CTNNA3: variants seen among roughly 807,000 people sequenced by gnomAD.
CTNNA3 encodes catenin alpha 3.
In CTNNA3, 76 loss-of-function variants were observed where a neutral mutation model predicts 95.7. The ratio of observed to expected loss-of-function variants is 0.79; its 90% CI spans 0.66 to 0.96. The LOEUF is 0.96. Among genes scored for constraint, CTNNA3 ranks in the 40% least tolerant of loss-of-function variants. The pLI is 0.00. For missense variants in CTNNA3, 1,191 were observed against 1,089.8 expected (o/e 1.09, Z -1.31); for synonymous variants, 431 against 374.4 (o/e 1.15, Z -1.74).
intron 7 of CTNNA3, among the ~76,000 whole-genome samples, chr10:67,151,365 C>G (rs1309569445): frequency 2.0e-5 from 3 of 151,850 alleles, no homozygotes; most frequent in African/African-American, 2.4e-5. Context: ...GTATTTTATT[C>G]CTTTATTATT....
chr10:66,052,595 T>G (rs1321586400), intron 15 of CTNNA3, among the ~76,000 whole-genome samples: 1 of 152,302 alleles, frequency 6.6e-6, no homozygotes, highest in East Asian at 1.9e-4. Flanking sequence ...TCTGTTTCTC[T>G]GAGGATCCCT....
intron 10 of CTNNA3, among the ~76,000 whole-genome samples, chr10:66,560,568 G>T (rs2631205): frequency 0.85 from 128,566 of 152,006 alleles, 55,117 homozygotes; most frequent in Non-Finnish European, 0.92. Context: ...TTTATCATTT[G>T]GGAATCTACA....
upstream of CTNNA3, among the ~76,000 whole-genome samples, chr10:67,700,052 G>A (rs1057196478): frequency 1.3e-5 from 2 of 152,238 alleles, no homozygotes; most frequent in South Asian, 4.1e-4. Context: ...AAACTGCAAG[G>A]CAGCAGCGAG....
intron 7 of CTNNA3, among the ~76,000 whole-genome samples, chr10:66,820,881 A>G (rs1184753806): frequency 6.6e-6 from 1 of 152,106 alleles, no homozygotes; most frequent in African/African-American, 2.4e-5. Flanking sequence ...TAAAAATAAA[A>G]ATGCAAATAT....
At chr10:67,310,475 C>G (rs1046503696) in intron 5 of CTNNA3, among the ~76,000 whole-genome samples, 1 of 152,198 alleles carries the variant, frequency 6.6e-6, no homozygotes, top group Non-Finnish European at 1.5e-5. Context: ...CAGACTCATT[C>G]ATTCCCCAAA....
intron 10 of CTNNA3, among the ~76,000 whole-genome samples, chr10:66,568,212 A>G (rs1226410123): frequency 1.3e-5 from 2 of 152,198 alleles, no homozygotes; most frequent in Non-Finnish European, 2.9e-5. Flanking sequence ...ACCTTAAAAA[A>G]TCATCTATTA....
intron 5 of CTNNA3, among the ~76,000 whole-genome samples, chr10:67,438,030 G>A (rs1260732980): frequency 6.6e-6 from 1 of 150,822 alleles, no homozygotes; most frequent in Non-Finnish European, 1.5e-5. Flanking sequence ...ATTTAAACTT[G>A]CTAAAAAAAA....
At chr10:66,655,867 C>A (rs1305091300) in intron 9 of CTNNA3, among the ~76,000 whole-genome samples, 1 of 151,990 alleles carries the variant, frequency 6.6e-6, no homozygotes, top group African/African-American at 2.4e-5. Context: ...AAAGTATATA[C>A]AAGTATTAAG....
rs192798038 is a variant in CTNNA3 at position 66,050,877 on chromosome 10, G to A, written c.2159+18431C>T. On this transcript the variant is annotated intron_variant, in intron 15 of 17. Transcript: ENST00000433211. ...TTCTTACTTTTTTTTTTTAAGAGAT[G>A]GGGTCTTGTTCTTTCGCCCAGATGG... 2.7e-3 allele frequency among the ~76,000 whole-genome samples: 406 copies of A among 151,820 alleles called. 5 individuals are homozygous for A. Among genetic ancestry groups the A allele is most frequent in the African/African-American group, 9.4e-3 (391 of 41,422 alleles).
chr10:67,514,135 C>T (rs188455459), intron 5 of CTNNA3, among the ~76,000 whole-genome samples: 74 of 152,014 alleles, frequency 4.9e-4, no homozygotes, highest in African/African-American at 1.5e-3. Context: ...CCTGTCTCTA[C>T]GAAAAATACA....
intron 1 of CTNNA3, among the ~76,000 whole-genome samples, chr10:67,726,390 ATATATT>A (rs1841218266): frequency 2.8e-5 from 1 of 35,310 alleles, no homozygotes; most frequent in East Asian, 8.4e-4. Context: ...ATGAAATTAT[ATATATT>A]ATATATTATA....
intron 15 of CTNNA3, among the ~76,000 whole-genome samples, chr10:66,021,482 T>TA: frequency 1.4e-5 from 1 of 72,862 alleles, no homozygotes; most frequent in African/African-American, 4.3e-5. Flanking sequence ...GAATTTACAT[T>TA]AAAAATAACG....
At chr10:67,341,021 A>G (rs1842164011) in intron 5 of CTNNA3, among the ~76,000 whole-genome samples, 1 of 152,182 alleles carries the variant, frequency 6.6e-6, no homozygotes, top group African/African-American at 2.4e-5. Context: ...TATTGAAATA[A>G]GACATATAGG....
At chr10:67,331,740 T>C (rs1210504657) in intron 5 of CTNNA3, among the ~76,000 whole-genome samples, 1 of 152,194 alleles carries the variant, frequency 6.6e-6, no homozygotes, top group East Asian at 1.9e-4. Flanking sequence ...TTTTTCCACA[T>C]GCTTTAGAGT....
chr10:67,477,706 A>T (rs1848071721), intron 5 of CTNNA3, among the ~76,000 whole-genome samples: 1 of 152,196 alleles, frequency 6.6e-6, no homozygotes, highest in Non-Finnish European at 1.5e-5. Flanking sequence ...GCAAGAAAAT[A>T]ATTACAAAAA....
At chr10:66,705,248 T>C (rs1848078656) in intron 9 of CTNNA3, among the ~76,000 whole-genome samples, 1 of 152,042 alleles carries the variant, frequency 6.6e-6, no homozygotes, top group East Asian at 1.9e-4. Context: ...TTTAGATACA[T>C]TGAATTAGAT....
intron 10 of CTNNA3, among the ~76,000 whole-genome samples, chr10:66,573,245 C>T (rs1174402301): frequency 6.6e-6 from 1 of 152,072 alleles, no homozygotes; most frequent in Admixed American, 6.5e-5. Flanking sequence ...TTAGGCCTAG[C>T]CGAATATATC....
intron 13 of CTNNA3, among the ~76,000 whole-genome samples, chr10:66,254,033 A>T (rs533674351): frequency 1.3e-5 from 2 of 152,244 alleles, no homozygotes; most frequent in South Asian, 4.1e-4. Context: ...TTGGAAGAGG[A>T]TGTGGAGCCT....
At chr10:67,726,131 ATATATATTATAT>A (rs1277419167) in intron 1 of CTNNA3, among the ~76,000 whole-genome samples, 1 of 113,548 alleles carries the variant, frequency 8.8e-6, no homozygotes, top group Non-Finnish European at 1.6e-5. Flanking sequence ...ATATTAGATA[ATATATATTATAT>A]TATATATTAT....
Sources: allele counts gnomAD v4.1 joint callset (sites outside exome capture counted in the v4.1 genomes callset), GRCh38; gene constraint gnomAD v4.1.1; transcripts MANE v1.5; gene names NCBI Gene and HGNC (gene_info 2026-07-23, HGNC 2026-07-21).